Variants in USP42 observed in about 807,000 individuals in gnomAD.
USP42 encodes ubiquitin carboxyl-terminal hydrolase 42.
In USP42, 23 loss-of-function variants were observed where a neutral mutation model predicts 113.0. The observed-to-expected ratio is 0.20, with a 90% CI of 0.15 to 0.29. The LOEUF is 0.29. Among genes scored for constraint, USP42 ranks in the 10% least tolerant of loss-of-function variants. USP42 has a pLI of 1.00. For missense variants in USP42, 2,174 were observed against 1,779.8 expected, an observed-to-expected ratio of 1.22 and a Z score of -3.99; for synonymous variants, 933 against 699.0, an observed-to-expected ratio of 1.33 and a Z score of -5.28.
upstream of USP42, among the ~76,000 whole-genome samples, chr7:6,101,372 G>A (rs368327724): frequency 1.7e-4 from 26 of 151,232 alleles, no homozygotes; most frequent in African/African-American, 5.9e-4. Context: ...ACTTGAGGGT[G>A]GGGCACTTGG....
intron 14 of USP42, among the ~76,000 whole-genome samples, chr7:6,151,066 A>G (rs190567081): frequency 1.8e-4 from 27 of 152,336 alleles, no homozygotes; most frequent in African/African-American, 6.5e-4. Context: ...GCTGTAATAC[A>G]GTGGTATTTG....
the USP42 span, among the ~76,000 whole-genome samples, chr7:6,093,608 C>A: frequency 1.3e-5 from 2 of 149,658 alleles, no homozygotes; most frequent in Non-Finnish European, 2.9e-5. Context: ...TTTCACCTTG[C>A]TTCCCTCCTT....
intron 14 of USP42, 30 bp from the exon 15 acceptor site, chr7:6,153,726 C>G (rs1171568995): frequency 1.4e-6 from 2 of 1,429,368 alleles, no homozygotes; most frequent in South Asian, 1.6e-5. Context: ...CCCACGCTAA[C>G]GGGCGTGTTT....
rs554799016 is a variant in USP42, at chr7:6,122,309, T to G, written c.442+6786T>G. Among the ~76,000 whole-genome samples the G allele has an allele frequency of 9.4e-5, 14 of 149,420 alleles. No homozygotes were observed. The East Asian group carries it at 2.4e-3, about 25-fold the overall frequency. ...TTTTTTTTTTTTTTTAAAGACAGGG[T>G]CTCACTCACTCTGTTGCCTAGGCTG... On this transcript the variant is annotated intron_variant, in intron 3 of 17. Coordinates refer to ENST00000306177, the MANE Select transcript of USP42 (RefSeq NM_032172.3).
At chr7:6,122,236 G>A (rs1780264442) in intron 3 of USP42, among the ~76,000 whole-genome samples, 2 of 150,140 alleles carry the variant, frequency 1.3e-5, no homozygotes, top group Non-Finnish European at 3.0e-5. Context: ...CCTATGAGTG[G>A]TACTTTAGTT....
chr7:6,154,092 G>C lies in USP42; in HGVS notation c.2538G>C (p.Ser846=). The C allele has an allele frequency of 1.9e-6, 3 of 1,605,136 alleles. No individual in the cohort carries two copies. Among genetic ancestry groups the C allele is most frequent in the East Asian group, 2.2e-5 (1 of 44,842 alleles). ...KGMIAEGPRD[S]ALAEAPEGLS... is the part of the protein sequence containing the mutation. ...TGATCGCGGAGGGCCCGCGGGACTC[G>C]GCGTTGGCGGAAGCCCCGGAAGGGT... The change falls in exon 15 of 18, where the codon TCG becomes TCC. Residue 846 remains serine (S), a synonymous_variant. Transcript: ENST00000306177.
chr7:6,127,559 A>T (rs1176075587), intron 3 of USP42, among the ~76,000 whole-genome samples: 1 of 151,066 alleles, frequency 6.6e-6, no homozygotes, highest in Non-Finnish European at 1.5e-5. Flanking sequence ...TTGCTTTTGT[A>T]TCTTTGTAAT....
At chr7:6,148,303 C>T (rs11543636) in intron 12 of USP42, among the ~76,000 whole-genome samples, 9,999 of 152,168 alleles carry the variant, frequency 0.066, 784 homozygotes, top group East Asian at 0.43. Flanking sequence ...CACCACTGCA[C>T]TCCAGCCTGG....
chr7:6,155,050 A>G lies in USP42; in HGVS notation c.3496A>G (p.Ser1166Gly). 6.4e-7 allele frequency: 1 copy of G among 1,563,372 alleles called. No individual in the cohort carries two copies. Among genetic ancestry groups the G allele is most frequent in the South Asian group, 1.2e-5 (1 of 84,622 alleles). ...AAAGTCCCGGAAACGGAGACACGAC[A>G]GTGTGGAGAACAGTGACAGTCATGT... ...NGKSRKRRHD[S>G]VENSDSHVEK... The change falls in exon 15 of 18, where the codon AGT becomes GGT. Residue 1166 changes from serine (S) to glycine (G), a missense_variant. By Grantham distance (56) the Ser-to-Gly change is moderately conservative (BLOSUM62 0). Coordinates refer to ENST00000306177, the MANE Select transcript of USP42 (RefSeq NM_032172.3).
intron 3 of USP42, among the ~76,000 whole-genome samples, chr7:6,119,197 A>G (rs1455811610): frequency 6.6e-6 from 1 of 152,190 alleles, no homozygotes; most frequent in Admixed American, 6.6e-5. Flanking sequence ...CCTGAGTGAT[A>G]GAGTGAGATG....
chr7:6,121,078 G>A (rs1780201713), intron 3 of USP42, among the ~76,000 whole-genome samples: 1 of 151,480 alleles, frequency 6.6e-6, no homozygotes, highest in African/African-American at 2.4e-5. Flanking sequence ...GCAACTATGT[G>A]ATACGTGAAT....
chr7:6,146,092 T>C, intron 10 of USP42, 56 bp from the exon 11 acceptor site: 1 of 1,261,828 alleles, frequency 7.9e-7, no homozygotes, highest in Non-Finnish European at 1.1e-6. Context: ...TTCTCTTGAC[T>C]ATGTTCCATG....
At position 6,115,396 on chromosome 7, in the gene USP42, A is replaced by G. The variant is rs764981022; in HGVS notation, c.315A>G (p.Gln105=). 8.7e-6 allele frequency: 14 copies of G among 1,613,954 alleles called. No homozygotes were observed. The highest frequency in any genetic ancestry group is 1.6e-4 in the Middle Eastern group (1 of 6,084). Reference sequence around the variant, plus strand: ...AGAAGATTTGTCTTAAGTGGCAACAAACTCATAGAGTTGGAGCTGGGCTCC... The same window carrying G: ...AGAAGATTTGTCTTAAGTGGCAACAGACTCATAGAGTTGGAGCTGGGCTCC... ...PSEKICLKWQ[Q]THRVGAGLQN... The change falls in exon 3 of 18, where the codon CAA becomes CAG. Residue 105 remains glutamine, a synonymous_variant. Coordinates refer to ENST00000306177, the MANE Select transcript of USP42 (RefSeq NM_032172.3).
chr7:6,091,978 TTTCTTCTTCTTCTTCTTCTTCTTCTTC>T, the USP42 span, among the ~76,000 whole-genome samples: 5 of 67,926 alleles, frequency 7.4e-5, no homozygotes, highest in East Asian at 4.3e-4. Context: ...GGACGTATTT[TTTCTTCTTCTTCTTCTTCTTCTTCTTC>T]TTCTTCTTCT....
At chr7:6,135,599 C>G (rs1314432655) in intron 3 of USP42, among the ~76,000 whole-genome samples, 1 of 137,934 alleles carries the variant, frequency 7.2e-6, no homozygotes, top group East Asian at 2.4e-4. Flanking sequence ...TTGCAGTGAG[C>G]CAGGGTCACA....
chr7:6,133,181 T>C (rs1205256033), intron 3 of USP42, among the ~76,000 whole-genome samples: 6 of 152,238 alleles, frequency 3.9e-5, no homozygotes, highest in African/African-American at 1.2e-4. Context: ...AATATTAATA[T>C]AGACTCATGT....
chr7:6,102,558 C>G (rs1464977788), upstream of USP42, among the ~76,000 whole-genome samples: 1 of 150,410 alleles, frequency 6.6e-6, no homozygotes, highest in African/African-American at 2.5e-5. Context: ...GCCAGGGGTT[C>G]ACAACCAACC....
intron 8 of USP42, 29 bp from the exon 9 acceptor site, chr7:6,144,056 C>T: frequency 2.1e-6 from 3 of 1,421,522 alleles, no homozygotes; most frequent in Non-Finnish European, 2.8e-6. Flanking sequence ...TATTCGTCTT[C>T]TTATACTTTT....
intron 3 of USP42, among the ~76,000 whole-genome samples, chr7:6,130,088 C>T (rs1442133189): frequency 6.6e-6 from 1 of 152,018 alleles, no homozygotes; most frequent in Non-Finnish European, 1.5e-5. Flanking sequence ...TGGGCTCAAG[C>T]AGTCCTCTTG....
Sources: allele counts gnomAD v4.1 joint callset (sites outside exome capture counted in the v4.1 genomes callset), GRCh38; gene constraint gnomAD v4.1.1; transcripts MANE v1.5; gene names NCBI Gene and HGNC (gene_info 2026-07-23, HGNC 2026-07-21).